Variants in MACROD2 observed in about 807,000 individuals in gnomAD.
MACROD2 encodes mono-ADP ribosylhydrolase 2, also known as ADP-ribose glycohydrolase MACROD2.
MACROD2 carries 36 observed loss-of-function variants against 70.4 expected under a neutral mutation model. That is an observed-to-expected ratio of 0.51 (90% CI 0.39 to 0.68). MACROD2 has a LOEUF of 0.68. MACROD2 is among the 30% of genes least tolerant of loss of function. MACROD2 has a pLI of 0.00. For synonymous variants in MACROD2, 172 were observed against 178.8 expected, an observed-to-expected ratio of 0.96 and a Z score of 0.30; for missense variants, 496 against 538.4, an observed-to-expected ratio of 0.92 and a Z score of 0.78.
chr20:15,796,127 G>T (rs183401012), intron 8 of MACROD2, among the ~76,000 whole-genome samples: 1 of 152,176 alleles, frequency 6.6e-6, no homozygotes, highest in African/African-American at 2.4e-5. Flanking sequence ...AGAAATGGAC[G>T]CAGGTATTAA....
chr20:14,106,226 C>T (rs1277543289), intron 3 of MACROD2, among the ~76,000 whole-genome samples: 2 of 152,148 alleles, frequency 1.3e-5, no homozygotes, highest in Non-Finnish European at 2.9e-5. Context: ...CTGAAGACCC[C>T]TTGGGTTTTA....
At chr20:15,894,208 C>T (rs2064934956) in intron 10 of MACROD2, among the ~76,000 whole-genome samples, 1 of 152,174 alleles carries the variant, frequency 6.6e-6, no homozygotes, top group African/African-American at 2.4e-5. Flanking sequence ...AGTGCCGGGG[C>T]TTCCGGTGCT....
chr20:14,272,907 A>C (rs541283759), intron 3 of MACROD2, among the ~76,000 whole-genome samples: 3 of 152,130 alleles, frequency 2.0e-5, no homozygotes, highest in African/African-American at 7.2e-5. Flanking sequence ...AGGCCATTAC[A>C]TAATGGTAAA....
At chr20:15,115,875 A>G (rs2075988084) in intron 5 of MACROD2, among the ~76,000 whole-genome samples, 1 of 152,184 alleles carries the variant, frequency 6.6e-6, no homozygotes, top group South Asian at 2.1e-4. Context: ...GAAAAGAAAG[A>G]TCAGTTGGTG....
At chr20:14,778,381 G>C (rs6110427) in intron 5 of MACROD2, among the ~76,000 whole-genome samples, 101,800 of 151,910 alleles carry the variant, frequency 0.67, 34,583 homozygotes, top group African/African-American at 0.73. Flanking sequence ...AGACAACTCC[G>C]TGCCTTTGTT....
intron 5 of MACROD2, among the ~76,000 whole-genome samples, chr20:14,800,297 G>T (rs1202505856): frequency 6.6e-6 from 1 of 152,062 alleles, no homozygotes; most frequent in Non-Finnish European, 1.5e-5. Context: ...TAGCTAATCA[G>T]ATTGGTGCCC....
At position 15,805,290 on chromosome 20, in the gene MACROD2, C is replaced by T. The variant is rs184131426; in HGVS notation, c.646-57455C>T. Among the ~76,000 whole-genome samples the T allele has an allele frequency of 2.0e-3, 311 of 152,016 alleles. 2 individuals carry two copies. The highest frequency in any genetic ancestry group is 4.9e-3 in the Admixed American group (75 of 15,274). Reference sequence around the variant, plus strand: ...TGTAGGCTTCTGAACAAGAGAAGGGCGTGTTGTTAAAGGAAAATGATCCTC... The same window carrying T: ...TGTAGGCTTCTGAACAAGAGAAGGGTGTGTTGTTAAAGGAAAATGATCCTC... On this transcript the variant is annotated intron_variant, in intron 8 of 17. Coordinates refer to ENST00000684519, the MANE Select transcript of MACROD2 (RefSeq NM_001351661.2).
At chr20:14,092,896 T>A (rs947176914) in intron 3 of MACROD2, among the ~76,000 whole-genome samples, 7 of 152,224 alleles carry the variant, frequency 4.6e-5, no homozygotes, top group Non-Finnish European at 8.8e-5. Flanking sequence ...GGATATCTTC[T>A]GTGTTAAGCA....
intron 5 of MACROD2, among the ~76,000 whole-genome samples, chr20:14,780,715 TGATA>T (rs1454872839): frequency 6.6e-6 from 1 of 152,038 alleles, no homozygotes; most frequent in Non-Finnish European, 1.5e-5. Context: ...ACTAGTGAAT[TGATA>T]GATAGTAATG....
intron 3 of MACROD2, among the ~76,000 whole-genome samples, chr20:14,177,729 T>G (rs1388744839): frequency 6.6e-6 from 1 of 152,214 alleles, no homozygotes; most frequent in East Asian, 1.9e-4. Flanking sequence ...AAATTTAGCA[T>G]GTGATAAATA....
chr20:14,648,862 C>G (rs987024590), intron 4 of MACROD2, among the ~76,000 whole-genome samples: 2 of 152,128 alleles, frequency 1.3e-5, no homozygotes, highest in Non-Finnish European at 2.9e-5. Context: ...ATAATCTTCA[C>G]CTATGCCAGT....
intron 8 of MACROD2, among the ~76,000 whole-genome samples, chr20:15,693,011 T>C (rs949146975): frequency 3.3e-5 from 5 of 152,152 alleles, no homozygotes; most frequent in African/African-American, 1.2e-4. Context: ...TGCTCCACCA[T>C]GCTAAAGACG....
At chr20:15,344,206 A>G (rs2078139449) in intron 6 of MACROD2, among the ~76,000 whole-genome samples, 2 of 152,140 alleles carry the variant, frequency 1.3e-5, no homozygotes, top group South Asian at 4.1e-4. Context: ...TTTCTCCCCA[A>G]GGAACAGGCT....
At chr20:15,580,094 A>G (rs181020401) in intron 8 of MACROD2, among the ~76,000 whole-genome samples, 44 of 152,298 alleles carry the variant, frequency 2.9e-4, no homozygotes, top group African/African-American at 1.0e-3. Context: ...TGGTAATACA[A>G]TGGGTGACAG....
chr20:15,963,242 G>A (rs1424975205), intron 12 of MACROD2, among the ~76,000 whole-genome samples: 1 of 151,602 alleles, frequency 6.6e-6, no homozygotes, highest in African/African-American at 2.4e-5. Context: ...TACAGAGAAA[G>A]ACTATTTTAT....
intron 8 of MACROD2, among the ~76,000 whole-genome samples, chr20:15,637,707 C>A (rs1350059343): frequency 1.3e-5 from 2 of 152,186 alleles, no homozygotes; most frequent in African/African-American, 4.8e-5. Context: ...TGTCCCCGAT[C>A]TTTACATGGA....
At chr20:15,172,329 G>T (rs898721112) in intron 5 of MACROD2, among the ~76,000 whole-genome samples, 2 of 151,524 alleles carry the variant, frequency 1.3e-5, no homozygotes, top group Non-Finnish European at 2.9e-5. Flanking sequence ...AAAACAAGTT[G>T]GGGAAGGAAT....
rs199692323 is a variant in MACROD2 at position 14,682,462 on chromosome 20, C to CAT, written c.302-2372_302-2371dup. ...CACATTACATATATATATTACATTA[C>CAT]ATATATATATCCATATATATGTATA... On this transcript the variant is annotated intron_variant, in intron 4 of 17. Transcript: ENST00000684519. Among the ~76,000 whole-genome samples the CAT allele has an allele frequency of 3.2e-3, 486 of 150,504 alleles. 5 individuals are homozygous for CAT. The highest frequency in any genetic ancestry group is 0.011 in the African/African-American group (457 of 41,122).
At chr20:15,940,150 A>G (rs1601175526) in intron 12 of MACROD2, among the ~76,000 whole-genome samples, 2 of 152,108 alleles carry the variant, frequency 1.3e-5, no homozygotes, top group Non-Finnish European at 2.9e-5. Context: ...CTGGAGTGCA[A>G]TGGTGCGATC....
Sources: gnomAD v4.1 joint callset for allele counts (sites outside exome capture counted in the v4.1 genomes callset) on GRCh38, gnomAD v4.1.1 for gene constraint, MANE v1.5 for transcripts, NCBI Gene and HGNC (gene_info 2026-07-23, HGNC 2026-07-21) for gene names.